GRID1: variants seen among roughly 807,000 people sequenced by gnomAD.
GRID1 encodes glutamate ionotropic receptor delta type subunit 1.
A neutral mutation model predicts 98.0 loss-of-function variants in GRID1; 28 were observed. The ratio of observed to expected loss-of-function variants is 0.29; its 90% CI spans 0.21 to 0.39. The LOEUF is 0.39. GRID1 is among the 10% of genes least tolerant of loss of function. The pLI is 1.00. For missense variants in GRID1, 1,111 were observed against 1,340.5 expected (o/e 0.83, Z 2.67); for synonymous variants, 553 against 538.5 (o/e 1.03, Z -0.37).
intron 3 of GRID1, among the ~76,000 whole-genome samples, chr10:86,153,887 G>A (rs1845205618): frequency 6.6e-6 from 1 of 152,144 alleles, no homozygotes; most frequent in Non-Finnish European, 1.5e-5. Flanking sequence ...ATGTAGGGTG[G>A]GGGCGGGGAG....
At chr10:86,169,706 C>G (rs1845453989) in intron 3 of GRID1, among the ~76,000 whole-genome samples, 1 of 152,200 alleles carries the variant, frequency 6.6e-6, no homozygotes, top group Non-Finnish European at 1.5e-5. Flanking sequence ...AATCCCCAGG[C>G]AGAAGACCCC....
intron 8 of GRID1, among the ~76,000 whole-genome samples, chr10:85,740,407 A>G (rs1347811968): frequency 6.6e-6 from 1 of 152,214 alleles, no homozygotes; most frequent in Admixed American, 6.5e-5. Flanking sequence ...ACCCGAATTA[A>G]TGACCCTATG....
At chr10:85,871,749 T>C (rs1242806339) in intron 5 of GRID1, among the ~76,000 whole-genome samples, 1 of 152,184 alleles carries the variant, frequency 6.6e-6, no homozygotes, top group Non-Finnish European at 1.5e-5. Context: ...GAAGCTGATA[T>C]GTGTGTGAAG....
intron 14 of GRID1, among the ~76,000 whole-genome samples, chr10:85,615,899 G>T (rs911955714): frequency 1.3e-5 from 2 of 152,214 alleles, no homozygotes; most frequent in African/African-American, 4.8e-5. Flanking sequence ...AAACTAGCTA[G>T]CTATGGATAG....
intron 6 of GRID1, among the ~76,000 whole-genome samples, chr10:85,861,310 C>T (rs1156466055): frequency 6.6e-6 from 1 of 152,198 alleles, no homozygotes; most frequent in Admixed American, 6.5e-5. Flanking sequence ...CCCAGTCCCA[C>T]CTGAAATCTG....
At chr10:85,688,542 A>C (rs951907157) in intron 12 of GRID1, among the ~76,000 whole-genome samples, 7 of 152,120 alleles carry the variant, frequency 4.6e-5, no homozygotes, top group African/African-American at 1.4e-4. Flanking sequence ...AACACCCCCC[A>C]AAGCAGGAAG....
At chr10:86,033,144 G>A (rs774457436) in intron 4 of GRID1, among the ~76,000 whole-genome samples, 26 of 151,896 alleles carry the variant, frequency 1.7e-4, no homozygotes, top group Non-Finnish European at 2.8e-4. Flanking sequence ...CTTCAGTAAC[G>A]AATTGCCTCT....
chr10:85,978,527 A>C (rs1369801420), intron 4 of GRID1, among the ~76,000 whole-genome samples: 2 of 152,224 alleles, frequency 1.3e-5, no homozygotes, highest in African/African-American at 4.8e-5. Flanking sequence ...TGTTACACTG[A>C]TCACATTACC....
chr10:85,951,990 A>G (rs1240775671), intron 4 of GRID1, among the ~76,000 whole-genome samples: 2 of 152,214 alleles, frequency 1.3e-5, no homozygotes, highest in Admixed American at 6.5e-5. Flanking sequence ...CCCTTTCTCA[A>G]TAAATAAAGT....
intron 8 of GRID1, among the ~76,000 whole-genome samples, chr10:85,790,543 G>C (rs1018363322): frequency 6.6e-6 from 1 of 152,196 alleles, no homozygotes; most frequent in Non-Finnish European, 1.5e-5. Context: ...AGAGGGAGTG[G>C]GGGGAAGGGT....
intron 12 of GRID1, among the ~76,000 whole-genome samples, chr10:85,673,713 T>G (rs879600087): frequency 2.0e-5 from 3 of 152,240 alleles, no homozygotes; most frequent in Non-Finnish European, 2.9e-5. Flanking sequence ...CAGTATAATA[T>G]AAACATAACT....
intron 8 of GRID1, among the ~76,000 whole-genome samples, chr10:85,835,957 A>G (rs934969305): frequency 2.6e-5 from 4 of 152,222 alleles, no homozygotes; most frequent in Admixed American, 6.5e-5. Flanking sequence ...GTAAATTTCA[A>G]AGGAAATTCT....
intron 3 of GRID1, among the ~76,000 whole-genome samples, chr10:86,205,159 C>T (rs562818198): frequency 1.3e-5 from 2 of 152,324 alleles, no homozygotes; most frequent in South Asian, 4.1e-4. Flanking sequence ...GACAACATTC[C>T]AGTCTTAGAG....
intron 4 of GRID1, among the ~76,000 whole-genome samples, chr10:86,051,888 C>G (rs888140129): frequency 6.6e-6 from 1 of 152,122 alleles, no homozygotes; most frequent in African/African-American, 2.4e-5. Flanking sequence ...CAGTATCTAC[C>G]AAAATTACAA....
At chr10:85,636,464 C>T (rs1385580206) in intron 13 of GRID1, among the ~76,000 whole-genome samples, 1 of 152,054 alleles carries the variant, frequency 6.6e-6, no homozygotes, top group Non-Finnish European at 1.5e-5. Context: ...AACCACAGAC[C>T]GCTAAACATT....
At chr10:85,807,554 C>T (rs754805242) in intron 8 of GRID1, among the ~76,000 whole-genome samples, 11 of 151,454 alleles carry the variant, frequency 7.3e-5, no homozygotes, top group Non-Finnish European at 1.3e-4. Flanking sequence ...TAAATATTCC[C>T]GTAGAAAAAA....
intron 6 of GRID1, among the ~76,000 whole-genome samples, chr10:85,862,550 T>C (rs1003850459): frequency 1.3e-5 from 2 of 151,828 alleles, no homozygotes; most frequent in African/African-American, 4.8e-5. Flanking sequence ...ATGCAGGAGG[T>C]GGGTCCTCAG....
intron 8 of GRID1, among the ~76,000 whole-genome samples, chr10:85,787,662 G>A (rs923978591): frequency 6.6e-6 from 1 of 152,114 alleles, no homozygotes; most frequent in South Asian, 2.1e-4. Flanking sequence ...CCACCCACTC[G>A]TGTGGACCAC....
chr10:85,987,799 C>G (rs1345236011), intron 4 of GRID1, among the ~76,000 whole-genome samples: 1 of 151,546 alleles, frequency 6.6e-6, no homozygotes, highest in Non-Finnish European at 1.5e-5. Flanking sequence ...CTTCCTATAC[C>G]TTGCATCTGA....
Sources: gnomAD v4.1 joint callset for allele counts (sites outside exome capture counted in the v4.1 genomes callset) on GRCh38, gnomAD v4.1.1 for gene constraint, MANE v1.5 for transcripts, NCBI Gene and HGNC (gene_info 2026-07-23, HGNC 2026-07-21) for gene names.